The following IFT172 variants were observed in gnomAD, a reference collection of about 807,000 sequenced individuals.
The protein encoded by IFT172 is intraflagellar transport protein 172 homolog.
Under a neutral mutation model 248.9 loss-of-function variants are expected in IFT172, and 164 were observed. That is an observed-to-expected ratio of 0.66 (90% CI 0.58 to 0.75). The LOEUF is 0.75. IFT172 is among the 30% of genes least tolerant of loss of function. IFT172 has a pLI of 0.00. For synonymous variants in IFT172, 729 were observed against 791.6 expected (o/e 0.92, Z 1.33); for missense variants, 1,950 against 2,192.4 (o/e 0.89, Z 2.21).
At chr2:27,448,523 G>A (rs965103944) in intron 40 of IFT172, among the ~76,000 whole-genome samples, 1 of 152,154 alleles carries the variant, frequency 6.6e-6, no homozygotes, top group Non-Finnish European at 1.5e-5. Flanking sequence ...TGTGAGTGTG[G>A]GCAACTGTAC....
intron 18 of IFT172, among the ~76,000 whole-genome samples, chr2:27,464,898 A>G (rs1666972176): frequency 6.6e-6 from 1 of 150,874 alleles, no homozygotes; most frequent in South Asian, 2.1e-4. Context: ...GATTACAGGC[A>G]TGAGCCGCCG....
chr2:27,447,465 T>C, intron 42 of IFT172, 50 bp downstream of exon 42: 1 of 1,598,232 alleles, frequency 6.3e-7, no homozygotes, highest in South Asian at 1.1e-5. Context: ...TTTATACATT[T>C]GCAGATGAGC....
chr2:27,487,126 G>C (rs1668820765), intron 1 of IFT172, among the ~76,000 whole-genome samples: 1 of 151,918 alleles, frequency 6.6e-6, no homozygotes, highest in Admixed American at 6.6e-5. Context: ...TATATTTTTG[G>C]TAGAGACATG....
chr2:27,465,943 T>C (rs1048068005), intron 16 of IFT172, 61 bp from the exon 17 acceptor site: 11 of 1,598,128 alleles, frequency 6.9e-6, no homozygotes, highest in South Asian at 4.4e-5. Flanking sequence ...GAATCAATTA[T>C]AGAAAAGACC....
At chr2:27,478,933 T>C (rs1572817992) in intron 10 of IFT172, among the ~76,000 whole-genome samples, 1 of 152,150 alleles carries the variant, frequency 6.6e-6, no homozygotes, top group Non-Finnish European at 1.5e-5. Context: ...CAATTGCCAG[T>C]GTGTAGCCAG....
rs2148507360 is a variant in IFT172, at chr2:27,461,753, A to C, written c.2193+6T>G. On this transcript the variant is annotated splice_donor_region_variant and intron_variant, in intron 21 of 47. Coordinates refer to ENST00000260570, the MANE Select transcript of IFT172 (RefSeq NM_015662.3). ...TGAACAACTGTGGAGAAGATAAAAC[A>C]GGTACCTTGGCTTCAGCCACAGCGA... The C allele has an allele frequency of 6.2e-7, 1 of 1,614,160 alleles. No individual in the cohort carries two copies. Among genetic ancestry groups the C allele is most frequent in the Non-Finnish European group, 8.5e-7 (1 of 1,180,010 alleles).
intron 36 of IFT172, 76 bp downstream of exon 36, chr2:27,449,922 C>G: frequency 2.8e-6 from 4 of 1,442,098 alleles, no homozygotes; most frequent in Non-Finnish European, 3.9e-6. Flanking sequence ...CCTCACACAC[C>G]TTCCTGGGTG....
rs1178899326 is a variant in IFT172 at position 27,458,884 on chromosome 2, G to A, written c.2788-16C>T. ...CCTCAGCAATCTGTAGTTGATGGGA[G>A]GTAGATACAAAAGGTCAGAGCAACA... On this transcript the variant is annotated splice_polypyrimidine_tract_variant and intron_variant, in intron 25 of 47. Coordinates refer to ENST00000260570, the MANE Select transcript of IFT172 (RefSeq NM_015662.3). 2 of 1,613,116 alleles carry A rather than the reference G, an allele frequency of 1.2e-6. No individual in the cohort carries two copies. The highest frequency in any genetic ancestry group is 1.1e-5 in the South Asian group (1 of 90,894).
chr2:27,447,501 C>G lies in IFT172; in HGVS notation c.4659+14G>C, dbSNP rs1236620969. ...CCTTCTGACTGAGTGTTCCTTCGAC[C>G]CCCTACATCTCACCAGCTGTTTGAC... On this transcript the variant is annotated intron_variant, in intron 42 of 47. Transcript: ENST00000260570. 1 of 1,612,420 alleles carries G rather than the reference C, an allele frequency of 6.2e-7. No homozygotes were observed. The highest frequency in any genetic ancestry group is 1.3e-5 in the African/African-American group (1 of 75,000).
In IFT172 at chr2:27,489,610, C is replaced by A; in HGVS notation, c.39+5G>T. On this transcript the variant is annotated splice_donor_5th_base_variant and intron_variant, in intron 1 of 47. Coordinates refer to ENST00000260570, the MANE Select transcript of IFT172 (RefSeq NM_015662.3). ...AGGGGGAGGGACTGGCACGCAATTC[C>A]TCACCTGAGGGCTCAGCAGGGTCCT... 6.2e-7 allele frequency: 1 copy of A among 1,610,662 alleles called. No homozygotes were observed. The highest frequency in any genetic ancestry group is 1.1e-5 in the South Asian group (1 of 90,942).
Position 27,450,410 on chromosome 2 carries a change from C to T in IFT172, c.3952-314G>A, listed in dbSNP as rs142320712. On this transcript the variant is annotated intron_variant, in intron 35 of 47. Transcript: ENST00000260570. ...AGGTCTTTGTCATAAGTAAAATCTT[C>T]GTAGCAGAGTACAGAGAAAGGACTC... 1.9e-3 allele frequency among the ~76,000 whole-genome samples: 282 copies of T among 152,226 alleles called. 2 individuals are homozygous for T. Among genetic ancestry groups the T allele is most frequent in the Non-Finnish European group, 3.2e-3 (220 of 68,018 alleles).
In IFT172 at chr2:27,461,285, C is replaced by T; in HGVS notation, c.2426G>A (p.Gly809Glu). Residue 809 changes from glycine (G) to glutamate (E), a missense_variant, in exon 22 of 48, where the codon GGG becomes GAG. Coordinates refer to ENST00000260570, the MANE Select transcript of IFT172 (RefSeq NM_015662.3). The part of the protein sequence containing the change: ...VEHITAALIK[G>E]ELYERAGDLF... The stretch of plus-strand genomic sequence containing the variant: ...CCAGCATACCCTTTCGTAGAGTTCC[C>T]CCTTGATAAGGGCTGCAGTGATGTG... The T allele has an allele frequency of 1.9e-6, 3 of 1,614,096 alleles. No individual in the cohort carries two copies. Among genetic ancestry groups the T allele is most frequent in the Non-Finnish European group, 2.5e-6 (3 of 1,180,018 alleles).
At chr2:27,461,190 C>G in intron 22 of IFT172, 79 bp downstream of exon 22, 1 of 1,612,880 alleles carries the variant, frequency 6.2e-7, no homozygotes, top group Non-Finnish European at 8.5e-7. Context: ...AGGAAGCGCT[C>G]TGCACCCCAA....
intron 40 of IFT172, 77 bp downstream of exon 40, chr2:27,448,823 CCTCTGAGAAGATAGT>C: frequency 2.6e-6 from 2 of 765,120 alleles, no homozygotes; most frequent in Non-Finnish European, 4.9e-6. Context: ...AGGATAGAAT[CCTCTGAGAAGATAGT>C]TCCTGAGAAG....
chr2:27,461,001 T>C lies in IFT172; in HGVS notation c.2521+14A>G, dbSNP rs967617779. On this transcript the variant is annotated intron_variant, in intron 23 of 47. Coordinates refer to ENST00000260570, the MANE Select transcript of IFT172 (RefSeq NM_015662.3). ...GTCCACAACAGTAAAGGATGGCTTA[T>C]AGGTGGCTAGTACCTTTCATGAATG... 10 of 1,614,148 alleles carry C rather than the reference T, an allele frequency of 6.2e-6. No homozygotes were observed. Among genetic ancestry groups the C allele is most frequent in the South Asian group, 1.1e-5 (1 of 91,086 alleles).
At chr2:27,467,613 CAAAAAAAAAA>C (rs758559563) in intron 16 of IFT172, among the ~76,000 whole-genome samples, 9 of 53,136 alleles carry the variant, frequency 1.7e-4, no homozygotes, top group Middle Eastern at 0.016. Context: ...ACCCTGTCTC[CAAAAAAAAAA>C]AAAAAAAAAA....
chr2:27,485,514 A>G lies in IFT172; in HGVS notation c.40-11T>C. 2 of 1,613,862 alleles carry G rather than the reference A, an allele frequency of 1.2e-6. No individual in the cohort carries two copies. The highest frequency in any genetic ancestry group is 1.7e-6 in the Non-Finnish European group (2 of 1,179,838). ...CTTTGCAGCTCCATCCTGTAGAGGC[A>G]AAGGGGTAAAAACAAACCCATGTGC... On this transcript the variant is annotated splice_polypyrimidine_tract_variant and intron_variant, in intron 1 of 47. Coordinates refer to ENST00000260570, the MANE Select transcript of IFT172 (RefSeq NM_015662.3).
chr2:27,454,893 C>T lies in IFT172; in HGVS notation c.3372-233G>A, dbSNP rs1215984751. On this transcript the variant is annotated intron_variant, in intron 30 of 47. Transcript: ENST00000260570. The surrounding 1 kb of genome is among the most constrained non-coding windows in gnomAD (Gnocchi z 4.2). ...AAGAGACGTCTGGAAAAGCCTATGCCTTCCCTGAGGCCAGCTGCTCCTGAG... is the reference window on the plus strand; with the variant it reads ...AAGAGACGTCTGGAAAAGCCTATGCTTTCCCTGAGGCCAGCTGCTCCTGAG... Among the ~76,000 whole-genome samples the T allele has an allele frequency of 6.6e-6, 1 of 152,168 alleles. No homozygotes were observed. The highest frequency in any genetic ancestry group is 1.5e-5 in the Non-Finnish European group (1 of 68,032).
chr2:27,468,325 C>T (rs1344722976), intron 16 of IFT172, among the ~76,000 whole-genome samples: 1 of 151,532 alleles, frequency 6.6e-6, no homozygotes, highest in Non-Finnish European at 1.5e-5. Flanking sequence ...CTTTGCCTCC[C>T]AGGTTCAAGC....
Sources: gnomAD v4.1 joint callset for allele counts (sites outside exome capture counted in the v4.1 genomes callset) on GRCh38, gnomAD v4.1.1 for gene constraint, Gnocchi (gnomAD v3.1) non-coding constraint, MANE v1.5 for transcripts, NCBI Gene and HGNC (gene_info 2026-07-23, HGNC 2026-07-21) for gene names.